Variants in UGT1A6 observed in about 807,000 individuals in gnomAD.
The protein encoded by UGT1A6 is UDP glucuronosyltransferase family 1 member A6, also known as UDP-glucuronosyltransferase 1A6.
Under a neutral mutation model 44.4 loss-of-function variants are expected in UGT1A6, and 32 were observed. That is an observed-to-expected ratio of 0.72 (90% confidence interval 0.54 to 0.97). The LOEUF is 0.97. Among genes scored for constraint, UGT1A6 ranks in the 50% least tolerant of loss-of-function variants. The pLI, the probability that UGT1A6 is intolerant of heterozygous loss-of-function variation, is 0.00. For missense variants in UGT1A6, 685 were observed against 661.9 expected (o/e 1.03, Z -0.38); for synonymous variants, 238 against 248.5 (o/e 0.96, Z 0.40).
At chr2:233,705,348 T>G (rs1375360519) in intron 1 of UGT1A6, among the ~76,000 whole-genome samples, 1 of 152,240 alleles carries the variant, frequency 6.6e-6, no homozygotes, top group Non-Finnish European at 1.5e-5. Context: ...TTTTGTCTTA[T>G]TACATGGGGT....
chr2:233,699,619 T>C (rs1164168014), intron 1 of UGT1A6, among the ~76,000 whole-genome samples: 1 of 152,202 alleles, frequency 6.6e-6, no homozygotes, highest in African/African-American at 2.4e-5. Flanking sequence ...AGGAATAGAA[T>C]GCAAGCTCAG....
rs369139290 is a variant in UGT1A6, at chr2:233,718,874, C to T, written c.861+25009C>T. On this transcript the variant is annotated intron_variant, in intron 1 of 4. Transcript: ENST00000305139. The stretch of plus-strand genomic sequence containing the variant: ...CGCGGCTGGCCACAGGACTGCTGCT[C>T]CTCCTCAGTGTCCAGCCCTGGGCTG... 2.2e-4 allele frequency: 356 copies of T among 1,613,870 alleles called. 2 individuals carry two copies. The highest frequency in any genetic ancestry group is 7.5e-4 in the Admixed American group (45 of 60,022).
At chr2:233,767,265 T>G in intron 2 of UGT1A6, 100 bp downstream of exon 2, 2 of 1,588,600 alleles carry the variant, frequency 1.3e-6, no homozygotes. Flanking sequence ...GAACCTTAGA[T>G]TTGGCTTTTC....
intron 1 of UGT1A6, chr2:233,761,197 G>T (rs369591851): frequency 8.1e-6 from 13 of 1,614,114 alleles, no homozygotes; most frequent in Non-Finnish European, 1.1e-5. Flanking sequence ...TCTTTCAGAT[G>T]TATTACTTTG....
chr2:233,729,775 C>G (rs775577941), intron 1 of UGT1A6: 2 of 1,613,826 alleles, frequency 1.2e-6, no homozygotes, highest in East Asian at 2.2e-5. Context: ...CATGCTCTAC[C>G]CTCTGGCCCT....
At position 233,772,696 on chromosome 2, in the gene UGT1A6, TA is replaced by T. The variant is rs1170923656; in HGVS notation, c.*143del. On this transcript the variant is annotated 3_prime_UTR_variant, in exon 5 of 5. Transcript: ENST00000305139. Reference sequence around the variant, plus strand: ...TAAATTAATCAGCCCCAGAGTGCTTTAAAAAATTCTCTTAAATAAAAATAAT... The same window carrying T: ...TAAATTAATCAGCCCCAGAGTGCTTTAAAAATTCTCTTAAATAAAAATAAT... 2 of 1,482,484 alleles carry T rather than the reference TA, an allele frequency of 1.3e-6. No homozygotes were observed. The highest frequency in any genetic ancestry group is 1.8e-6 in the Non-Finnish European group (2 of 1,123,730). 91.8% of individuals were successfully genotyped at this position (1,482,484 alleles called of 1,614,324 possible).
intron 1 of UGT1A6, among the ~76,000 whole-genome samples, chr2:233,715,364 AT>A (rs1460416152): frequency 6.7e-6 from 1 of 149,952 alleles, no homozygotes; most frequent in African/African-American, 2.4e-5. Context: ...TGAGACTTAT[AT>A]TTTCTTCACA....
intron 1 of UGT1A6, chr2:233,743,521 C>T (rs777952241): frequency 4.4e-6 from 6 of 1,367,160 alleles, no homozygotes; most frequent in Non-Finnish European, 5.9e-6. Flanking sequence ...TCTGCTTCTG[C>T]TTCCCCAGCA....
At chr2:233,700,178 C>A (rs1315960228) in intron 1 of UGT1A6, among the ~76,000 whole-genome samples, 2 of 152,190 alleles carry the variant, frequency 1.3e-5, no homozygotes, top group Non-Finnish European at 2.9e-5. Context: ...CTCATTCAGG[C>A]TGAAATCTCA....
chr2:233,725,091 G>T (rs1474788345), intron 1 of UGT1A6, among the ~76,000 whole-genome samples: 2 of 144,822 alleles, frequency 1.4e-5, no homozygotes, highest in African/African-American at 5.2e-5. Context: ...GCAGGCTGAG[G>T]CAGGAGAATC....
chr2:233,697,491 A>G lies in UGT1A6; in HGVS notation c.861+3626A>G, dbSNP rs1240411195. ...TCTTAGTCTAGCTCAAGGTTTGCCA[A>G]TTTTGTTTATCTTTTTTTTTTTTTA... On this transcript the variant is annotated intron_variant, in intron 1 of 4. Transcript: ENST00000305139. Among the ~76,000 whole-genome samples, 4 of 148,052 alleles carry G rather than the reference A, an allele frequency of 2.7e-5. No individual in the cohort carries two copies. The South Asian group carries it at 6.4e-4, about 24-fold the overall frequency.
chr2:233,714,484 G>C (rs1019190472), intron 1 of UGT1A6, among the ~76,000 whole-genome samples: 1 of 152,166 alleles, frequency 6.6e-6, no homozygotes, highest in Admixed American at 6.5e-5. Context: ...AATGTTTCTT[G>C]TGAAGACACT....
intron 4 of UGT1A6, 91 bp downstream of exon 4, chr2:233,768,530 CGTT>C (rs2126039098): frequency 2.0e-6 from 3 of 1,496,416 alleles, no homozygotes; most frequent in African/African-American, 1.4e-5. Flanking sequence ...CATTTAATAG[CGTT>C]GTTTCAAATA....
intron 1 of UGT1A6, among the ~76,000 whole-genome samples, chr2:233,715,966 CTGAT>C (rs1167313224): frequency 2.0e-5 from 3 of 152,178 alleles, no homozygotes; most frequent in African/African-American, 7.2e-5. Flanking sequence ...GACTGATTGA[CTGAT>C]TGATTGATTT....
chr2:233,724,171 CA>C (rs2077183449), intron 1 of UGT1A6, among the ~76,000 whole-genome samples: 1 of 91,442 alleles, frequency 1.1e-5, no homozygotes, highest in Non-Finnish European at 2.4e-5. Context: ...CTGACCCCCC[CA>C]TCTCCCTCCC....
At chr2:233,692,744 G>A (rs1410250245), upstream of UGT1A6, 4 of 1,060,368 alleles carry the variant, frequency 3.8e-6, no homozygotes, top group African/African-American at 1.6e-5. Flanking sequence ...AGAGGGAGAA[G>A]CAGACTTGTG....
At chr2:233,740,584 T>G (rs1401941870) in intron 1 of UGT1A6, 1 of 151,838 alleles carries the variant, frequency 6.6e-6, no homozygotes, top group Non-Finnish European at 1.5e-5. Flanking sequence ...GGGACCCTAA[T>G]GAAATGGTTA....
At chr2:233,758,070 G>T (rs1696791398) in intron 1 of UGT1A6, among the ~76,000 whole-genome samples, 1 of 152,026 alleles carries the variant, frequency 6.6e-6, no homozygotes, top group South Asian at 2.1e-4. Flanking sequence ...TGACTTTCTG[G>T]GCCTAGTTCC....
At chr2:233,740,865 T>C (rs1159264843) in intron 1 of UGT1A6, 1 of 151,874 alleles carries the variant, frequency 6.6e-6, no homozygotes, top group Admixed American at 6.5e-5. Flanking sequence ...AAAAATTCTT[T>C]AAATAAAATG....
Sources: gnomAD v4.1 joint callset for allele counts (sites outside exome capture counted in the v4.1 genomes callset) on GRCh38, gnomAD v4.1.1 for gene constraint, MANE v1.5 for transcripts, NCBI Gene and HGNC (gene_info 2026-07-23, HGNC 2026-07-21) for gene names.